The following RTN4R variants were observed in gnomAD, a reference collection of about 807,000 sequenced individuals.
The protein encoded by RTN4R is reticulon 4 receptor.
Under a neutral mutation model 27.7 loss-of-function variants are expected in RTN4R, and 4 were observed. The ratio of observed to expected loss-of-function variants is 0.14; its 90% CI spans 0.07 to 0.33. The LOEUF (loss-of-function observed/expected upper bound fraction) is 0.33, where lower values mean the gene tolerates loss of function less well. Ranked by LOEUF, RTN4R falls within the 10% of genes least tolerant of loss-of-function variation. The pLI is 1.00. For synonymous variants in RTN4R, 290 were observed against 305.6 expected (o/e 0.95, Z 0.53); for missense variants, 554 against 671.5 (o/e 0.83, Z 1.93).
At chr22:20,257,994 T>A (rs2051221504) in intron 1 of RTN4R, among the ~76,000 whole-genome samples, 1 of 152,106 alleles carries the variant, frequency 6.6e-6, no homozygotes, top group Admixed American at 6.5e-5. Flanking sequence ...GAAATGGAGA[T>A]AATAAGGCCC....
intron 1 of RTN4R, among the ~76,000 whole-genome samples, chr22:20,248,016 T>C (rs975568616): frequency 1.3e-5 from 2 of 152,138 alleles, no homozygotes; most frequent in African/African-American, 4.8e-5. Context: ...GAGATGTAGG[T>C]AGGTCCAGGG....
chr22:20,256,638 A>C (rs1028302418), intron 1 of RTN4R, among the ~76,000 whole-genome samples: 1 of 151,826 alleles, frequency 6.6e-6, no homozygotes, highest in Non-Finnish European at 1.5e-5. Context: ...CTTGCAACCC[A>C]CCGGGCAGCC....
At chr22:20,243,203 G>C in intron 1 of RTN4R, 93 bp from the exon 2 acceptor site, 1 of 1,296,622 alleles carries the variant, frequency 7.7e-7, no homozygotes, top group Non-Finnish European at 1.1e-6. Context: ...CGGAGATTGG[G>C]TCTCAGGAGG....
intron 1 of RTN4R, among the ~76,000 whole-genome samples, chr22:20,262,125 G>A (rs2051251339): frequency 6.6e-6 from 1 of 152,220 alleles, no homozygotes; most frequent in South Asian, 2.1e-4. Flanking sequence ...GGGAGACAGG[G>A]TGCAGGTTTG....
At position 20,255,931 on chromosome 22, in the gene RTN4R, C is replaced by T. The variant is rs980916196; in HGVS notation, c.22+12140G>A. On this transcript the variant is annotated intron_variant, in intron 1 of 1. Coordinates refer to ENST00000043402, the MANE Select transcript of RTN4R (RefSeq NM_023004.6). The surrounding 1 kb of genome is among the most constrained non-coding windows in gnomAD (Gnocchi z 4.8). ...AACCGAGGCACGCACGCAGCGGCGA[C>T]GTGAATAAGTAATTGCTCTTTTATT... 5.3e-5 allele frequency among the ~76,000 whole-genome samples: 8 copies of T among 152,346 alleles called. No individual in the cohort carries two copies. Among genetic ancestry groups the T allele is most frequent in the African/African-American group, 1.7e-4 (7 of 41,576 alleles).
intron 1 of RTN4R, among the ~76,000 whole-genome samples, chr22:20,262,104 G>C (rs563568055): frequency 2.1e-4 from 32 of 152,230 alleles, no homozygotes; most frequent in Non-Finnish European, 3.4e-4. Context: ...GAGGAGTAAA[G>C]GGGATGGACC....
At chr22:20,249,307 T>G in intron 1 of RTN4R, 1 of 477,656 alleles carries the variant, frequency 2.1e-6, no homozygotes, top group East Asian at 6.0e-5. Flanking sequence ...CTGCCTCCCA[T>G]GCCCATCTGC....
rs1243124644 is a variant in RTN4R at position 20,250,693 on chromosome 22, ACTC to A, written c.23-7586_23-7584del. Among the ~76,000 whole-genome samples the A allele has an allele frequency of 3.3e-5, 5 of 152,080 alleles. 1 individual carries two copies. The highest frequency in any genetic ancestry group is 3.3e-4 in the Admixed American group (5 of 15,264). ...GAAAGAGACTCAGAAATACTGAAAT[ACTC>A]TGCAGGTCAAAACAGAAATGATCAT... On this transcript the variant is annotated intron_variant, in intron 1 of 1. Transcript: ENST00000043402.
At chr22:20,250,837 A>G (rs1385315248) in intron 1 of RTN4R, among the ~76,000 whole-genome samples, 3 of 150,464 alleles carry the variant, frequency 2.0e-5, no homozygotes, top group Non-Finnish European at 4.5e-5. Context: ...AGCTGGGATT[A>G]CACACACACA....
chr22:20,265,259 C>A (rs1374397822), intron 1 of RTN4R, among the ~76,000 whole-genome samples: 4 of 152,190 alleles, frequency 2.6e-5, no homozygotes, highest in African/African-American at 4.8e-5. Flanking sequence ...CACGGTCCCA[C>A]ACACCCTGGC....
intron 1 of RTN4R, chr22:20,249,228 C>G (rs375415407): frequency 1.9e-6 from 1 of 532,950 alleles, no homozygotes; most frequent in Non-Finnish European, 3.9e-6. Flanking sequence ...AGCAAGTGAC[C>G]GGTGGCCGGC....
intron 1 of RTN4R, among the ~76,000 whole-genome samples, chr22:20,246,225 G>T (rs1043016503): frequency 3.9e-5 from 6 of 152,222 alleles, no homozygotes; most frequent in African/African-American, 1.2e-4. Context: ...TTCCCAGCGG[G>T]GACAGTGACC....
rs139521506 is a variant in RTN4R, at chr22:20,246,286, G to T, written c.23-3176C>A. Among the ~76,000 whole-genome samples the T allele has an allele frequency of 5.3e-5, 8 of 152,312 alleles. No individual in the cohort carries two copies. In the East Asian group the frequency reaches 1.5e-3, roughly 29 times the overall value. ...GCGGCAGCCAGACTGGGCAGGGTAG[G>T]ACCCAGGATCACCAGGCTGAAGGCC... is the stretch of plus-strand genomic sequence containing the variant. On this transcript the variant is annotated intron_variant, in intron 1 of 1. Transcript: ENST00000043402.
intron 1 of RTN4R, among the ~76,000 whole-genome samples, chr22:20,262,650 C>T (rs908135829): frequency 5.3e-5 from 8 of 152,232 alleles, no homozygotes; most frequent in African/African-American, 1.9e-4. Flanking sequence ...CCCCACACCC[C>T]ACACACTGAG....
chr22:20,258,609 C>CG lies in RTN4R; in HGVS notation c.22+9461dup, dbSNP rs142780645. On this transcript the variant is annotated intron_variant, in intron 1 of 1. Transcript: ENST00000043402. ...GGACCCCCAGGCAGAAAGTGAGCCA[C>CG]GGGGGGCTATGCAGGACTGCAGCCC... is the stretch of plus-strand genomic sequence containing the variant. Among the ~76,000 whole-genome samples, 886 of 152,320 alleles carry CG rather than the reference C, an allele frequency of 5.8e-3. 10 individuals carry two copies. The highest frequency in any genetic ancestry group is 0.02 in the African/African-American group (838 of 41,576).
chr22:20,265,039 C>T (rs1363000958), intron 1 of RTN4R, among the ~76,000 whole-genome samples: 3 of 152,218 alleles, frequency 2.0e-5, no homozygotes, highest in East Asian at 1.9e-4. Flanking sequence ...CCAAGGCTCC[C>T]GGTGAGAGGT....
At chr22:20,245,345 C>A (rs1428238433) in intron 1 of RTN4R, among the ~76,000 whole-genome samples, 3 of 152,342 alleles carry the variant, frequency 2.0e-5, no homozygotes, top group South Asian at 4.1e-4. Flanking sequence ...GCCTGGCCCC[C>A]CTTGGGGCCT....
Position 20,241,892 on chromosome 22 carries a change from C to T in RTN4R, c.1241G>A (p.Arg414His), listed in dbSNP as rs766370470. ...EPPGFPTSGP[R>H]RRPGCSRKNR... ...CTTGCGTGAACAGCCTGGCCTCCGG[C>T]GAGGGCCCGAGGTGGGGAACCCTGG... Residue 414 changes from arginine (R) to histidine (H), a missense_variant, in exon 2 of 2, where the codon CGC (arginine) becomes CAC (histidine). Transcript: ENST00000043402. 7 of 1,605,936 alleles carry T rather than the reference C, an allele frequency of 4.4e-6. No individual in the cohort carries two copies. Among genetic ancestry groups the T allele is most frequent in the Non-Finnish European group, 5.1e-6 (6 of 1,176,758 alleles).
intron 1 of RTN4R, chr22:20,249,092 A>G (rs1473131315): frequency 1.9e-6 from 1 of 532,598 alleles, no homozygotes; most frequent in Non-Finnish European, 3.9e-6. Flanking sequence ...ATGCTCCACC[A>G]GGAGCCAACA....
Sources: allele counts gnomAD v4.1 joint callset (sites outside exome capture counted in the v4.1 genomes callset), GRCh38; gene constraint gnomAD v4.1.1; non-coding constraint Gnocchi (gnomAD v3.1); transcripts MANE v1.5; gene names NCBI Gene and HGNC (gene_info 2026-07-23, HGNC 2026-07-21).